ARMCX4: variants seen among roughly 807,000 people sequenced by gnomAD.
The protein encoded by ARMCX4 is armadillo repeat-containing X-linked protein 4.
Under a neutral mutation model 34.7 loss-of-function variants are expected in ARMCX4, and 3 were observed. The observed-to-expected ratio is 0.09, with a 90% CI of 0.04 to 0.22. The LOEUF (loss-of-function observed/expected upper bound fraction) is 0.22, where lower values mean the gene tolerates loss of function less well. Ranked by LOEUF, ARMCX4 falls within the 10% of genes least tolerant of loss-of-function variation. The pLI, the probability that ARMCX4 is intolerant of heterozygous loss-of-function variation, is 1.00. For synonymous variants in ARMCX4, 513 were observed against 632.8 expected (o/e 0.81, Z 2.84); for missense variants, 1,448 against 1,720.8 (o/e 0.84, Z 2.81).
chrX:101,462,694 C>A (rs782294639), intron 4 of ARMCX4, among the ~76,000 whole-genome samples: 7 of 108,861 alleles, frequency 6.4e-5, no homozygotes, highest in Non-Finnish European at 7.7e-5. Context: ...ATAACCCCCC[C>A]AAAAATTAGA....
At chrX:101,421,374 AG>A (rs1929244376) in intron 2 of ARMCX4, among the ~76,000 whole-genome samples, 1 of 110,651 alleles carries the variant, frequency 9.0e-6, no homozygotes, top group Non-Finnish European at 1.9e-5. Flanking sequence ...GTTTACATGG[AG>A]GGGATTGGTA....
chrX:101,507,694 T>C (rs1216343788), intron 8 of ARMCX4, among the ~76,000 whole-genome samples: 2 of 111,973 alleles, frequency 1.8e-5, no homozygotes, highest in Non-Finnish European at 3.8e-5. Flanking sequence ...TATAAATACC[T>C]TGAGATTTTG....
At position 101,492,023 on chromosome X, in the gene ARMCX4, G is replaced by C. The variant is rs1205849060; in HGVS notation, c.3434G>C (p.Ser1145Thr). 1 of 1,153,347 alleles carries C rather than the reference G, an allele frequency of 8.7e-7. No homozygotes were observed. Among genetic ancestry groups the C allele is most frequent in the African/African-American group, 1.8e-5 (1 of 55,701 alleles). Residue 1145 changes from serine (S) to threonine (T), a missense_variant, in exon 6 of 6, where the codon AGT becomes ACT. Physicochemically the swap from Ser to Thr is moderately conservative, Grantham distance 58 (BLOSUM62 1). Coordinates refer to ENST00000423738, the MANE Select transcript of ARMCX4 (RefSeq NM_001256155.3). The stretch of plus-strand genomic sequence containing the variant: ...AGTATTGGGTCCTGGAGTGGGGCTA[G>C]TGATAAGGCTGGGATTATTCGGTCT... Reference protein sequence around the residue: ...EASIGSWSGASDKAGIIRSWA... With the variant: ...EASIGSWSGATDKAGIIRSWA...
chrX:101,532,120 T>C (rs1376830114), intron 12 of ARMCX4: 2 of 111,918 alleles, frequency 1.8e-5, no homozygotes, highest in Non-Finnish European at 3.8e-5. Flanking sequence ...AGCTTAGTTA[T>C]GGGATCAGCT....
intron 4 of ARMCX4, among the ~76,000 whole-genome samples, chrX:101,455,134 A>C (rs1230256503): frequency 8.9e-6 from 1 of 111,803 alleles, no homozygotes; most frequent in Non-Finnish European, 1.9e-5. Flanking sequence ...TTAGCCCATC[A>C]AATGTAGAGG....
rs1556009459 is a variant in ARMCX4, at chrX:101,491,995, G to A, written c.3406G>A (p.Ala1136Thr). Residue 1136 changes from alanine to threonine, a missense_variant, in exon 6 of 6, where the codon GCC becomes ACC. Physicochemically the swap from Ala to Thr is moderately conservative, Grantham distance 58. Transcript: ENST00000423738. The part of the protein sequence containing the change: ...SVSWADDENE[A>T]SIGSWSGASD... The stretch of plus-strand genomic sequence containing the variant: ...GTCCTGGGCTGATGATGAGAATGAA[G>A]CCAGTATTGGGTCCTGGAGTGGGGC... 1.7e-6 allele frequency: 2 copies of A among 1,154,340 alleles called. No homozygotes were observed. The highest frequency in any genetic ancestry group is 2.3e-6 in the Non-Finnish European group (2 of 871,240).
intron 11 of ARMCX4, among the ~76,000 whole-genome samples, chrX:101,523,033 T>A (rs782632115): frequency 8.9e-6 from 1 of 111,844 alleles, no homozygotes; most frequent in South Asian, 3.8e-4. Context: ...TTAGGAAGGC[T>A]ATGTACATAT....
At chrX:101,457,590 G>T (rs1932361628) in intron 4 of ARMCX4, among the ~76,000 whole-genome samples, 1 of 110,512 alleles carries the variant, frequency 9.0e-6, no homozygotes, top group South Asian at 3.9e-4. Flanking sequence ...GGGTGTGGTG[G>T]TGCATGCCTG....
intron 2 of ARMCX4, among the ~76,000 whole-genome samples, chrX:101,419,907 A>G (rs1349426311): frequency 4.5e-5 from 5 of 112,047 alleles, no homozygotes; most frequent in African/African-American, 1.6e-4. Context: ...GCTTAGTTCT[A>G]TACTGAAGTC....
At chrX:101,474,397 C>T (rs1245297762) in intron 4 of ARMCX4, among the ~76,000 whole-genome samples, 1 of 110,035 alleles carries the variant, frequency 9.1e-6, no homozygotes, top group African/African-American at 3.3e-5. Flanking sequence ...GGAACTGGTA[C>T]CATTCCTTCT....
intron 2 of ARMCX4, among the ~76,000 whole-genome samples, chrX:101,423,644 A>G (rs944065141): frequency 1.2e-4 from 13 of 110,256 alleles, no homozygotes; most frequent in Non-Finnish European, 2.3e-4. Flanking sequence ...AAATAAAAAT[A>G]AAAAAGTATC....
chrX:101,434,717 A>G (rs1555993823), intron 2 of ARMCX4, among the ~76,000 whole-genome samples: 2 of 109,011 alleles, frequency 1.8e-5, no homozygotes, highest in East Asian at 5.7e-4. Context: ...TACATGTGCC[A>G]TGTTGGTGTG....
chrX:101,461,165 C>T (rs2147606300), intron 4 of ARMCX4, among the ~76,000 whole-genome samples: 1 of 112,165 alleles, frequency 8.9e-6, no homozygotes, highest in South Asian at 3.7e-4. Context: ...CAACCATCAC[C>T]ACTGTCCATC....
rs782193206 is a variant in ARMCX4 at position 101,489,010 on chromosome X, G to A, written c.421G>A (p.Glu141Lys). 8.7e-7 allele frequency: 1 copy of A among 1,154,870 alleles called. No individual in the cohort carries two copies. Among genetic ancestry groups the A allele is most frequent in the South Asian group, 1.9e-5 (1 of 52,618 alleles). The part of the protein sequence containing the change: ...TLTEVKAKAR[E>K]VAMKEAVTQT... ...GACTGAGGTCAAGGCCAAAGCCAGGGAAGTGGCCATGAAAGAAGCAGTGAC... is the reference window on the plus strand; with the variant it reads ...GACTGAGGTCAAGGCCAAAGCCAGGAAAGTGGCCATGAAAGAAGCAGTGAC... The change falls in exon 6 of 6, where the codon GAA (glutamate) becomes AAA (lysine). Residue 141 changes from glutamate (E) to lysine (K), a missense_variant. By Grantham distance (56) the Glu-to-Lys change is moderately conservative. Transcript: ENST00000423738.
intron 10 of ARMCX4, among the ~76,000 whole-genome samples, chrX:101,510,859 T>C (rs1556016216): frequency 2.7e-5 from 3 of 111,857 alleles, no homozygotes; most frequent in African/African-American, 9.7e-5. Flanking sequence ...ATTTTGAAAT[T>C]ATCCTTCTGA....
chrX:101,535,143 C>A (rs1296950881), downstream of ARMCX4, among the ~76,000 whole-genome samples: 2 of 111,083 alleles, frequency 1.8e-5, no homozygotes, highest in Non-Finnish European at 3.8e-5. Flanking sequence ...GGTAGACACC[C>A]AACTTAAAGA....
chrX:101,429,266 A>G (rs1555991543), intron 2 of ARMCX4, among the ~76,000 whole-genome samples: 1 of 108,829 alleles, frequency 9.2e-6, no homozygotes. Context: ...ACAATGACTT[A>G]TCTTCTATGA....
chrX:101,520,866 C>T (rs183762749), intron 11 of ARMCX4, among the ~76,000 whole-genome samples: 25 of 105,386 alleles, frequency 2.4e-4, no homozygotes, highest in African/African-American at 3.5e-4. Flanking sequence ...CCAGTGAAGC[C>T]GTTTGGTCCT....
intron 2 of ARMCX4, among the ~76,000 whole-genome samples, chrX:101,435,443 G>C (rs868970548): frequency 9.0e-6 from 1 of 111,535 alleles, no homozygotes; most frequent in South Asian, 3.7e-4. Flanking sequence ...CTTCTTTTGA[G>C]AAGTGTCTGT....
Sources: gnomAD v4.1 joint callset for allele counts (sites outside exome capture counted in the v4.1 genomes callset) on GRCh38, gnomAD v4.1.1 for gene constraint, MANE v1.5 for transcripts, NCBI Gene and HGNC (gene_info 2026-07-23, HGNC 2026-07-21) for gene names.